ADGRL2: variants seen among roughly 807,000 people sequenced by gnomAD.
ADGRL2 encodes the protein calcium-independent alpha-latrotoxin receptor 2.
In ADGRL2, 44 loss-of-function variants were observed where a neutral mutation model predicts 157.4. The observed-to-expected ratio is 0.28, with a 90% confidence interval of 0.22 to 0.36. The LOEUF (loss-of-function observed/expected upper bound fraction) is 0.36, where lower values mean the gene tolerates loss of function less well. Among genes scored for constraint, ADGRL2 ranks in the 10% least tolerant of loss-of-function variants. The probability of loss-of-function intolerance (pLI) is 1.00; values close to 1 mark genes in which losing one functional copy is unlikely to be tolerated. For synonymous variants in ADGRL2, 585 were observed against 624.7 expected (o/e 0.94, Z 0.95); for missense variants, 1,510 against 1,768.9 (o/e 0.85, Z 2.63).
chr1:81,885,338 T>A (rs545168748), intron 2 of ADGRL2, among the ~76,000 whole-genome samples: 1 of 152,310 alleles, frequency 6.6e-6, no homozygotes, highest in Admixed American at 6.5e-5. Flanking sequence ...AAAAAAATGT[T>A]TAACTTTAGA....
At chr1:81,614,088 A>G (rs2081595815) in intron 3 of ADGRL2, among the ~76,000 whole-genome samples, 1 of 152,116 alleles carries the variant, frequency 6.6e-6, no homozygotes, top group South Asian at 2.1e-4. Context: ...TTAGTTCAAT[A>G]CGGCAATTGT....
intron 2 of ADGRL2, among the ~76,000 whole-genome samples, chr1:81,446,868 G>C (rs1322468357): frequency 6.6e-6 from 1 of 151,912 alleles, no homozygotes; most frequent in East Asian, 1.9e-4. Flanking sequence ...ATTTAATTTA[G>C]GTATTTATTA....
intron 2 of ADGRL2, among the ~76,000 whole-genome samples, chr1:81,533,229 A>G (rs902004016): frequency 3.9e-5 from 6 of 152,026 alleles, no homozygotes; most frequent in Non-Finnish European, 8.8e-5. Context: ...AAATACAAAA[A>G]TTAATCAGCT....
intron 2 of ADGRL2, among the ~76,000 whole-genome samples, chr1:81,774,134 T>C (rs1427623111): frequency 2.0e-5 from 3 of 151,638 alleles, no homozygotes; most frequent in Non-Finnish European, 2.9e-5. Context: ...GTATTTGTTA[T>C]GGCAGCCCTA....
At chr1:81,392,227 C>CA (rs35544082) in intron 1 of ADGRL2, among the ~76,000 whole-genome samples, 109,212 of 147,092 alleles carry the variant, frequency 0.74, 42,206 homozygotes, top group East Asian at 0.9. Flanking sequence ...CCCATCCCCA[C>CA]AAAAAAAAAA....
intron 17 of ADGRL2, among the ~76,000 whole-genome samples, chr1:81,976,411 A>AG (rs1660201288): frequency 6.6e-6 from 1 of 151,950 alleles, no homozygotes; most frequent in Non-Finnish European, 1.5e-5. Flanking sequence ...AAATTTCTTT[A>AG]CATCTAGATA....
chr1:81,980,728 G>C (rs1233958490), intron 18 of ADGRL2: 6 of 604,882 alleles, frequency 9.9e-6, no homozygotes, highest in African/African-American at 9.2e-5. Context: ...TGGTAAGAGA[G>C]AGAGCTAATC....
At chr1:81,386,088 T>TA (rs2076430166) in intron 1 of ADGRL2, among the ~76,000 whole-genome samples, 1 of 152,168 alleles carries the variant, frequency 6.6e-6, no homozygotes, top group South Asian at 2.1e-4. Flanking sequence ...TCAATGTCTC[T>TA]AACTTGAAAG....
chr1:81,772,789 A>C (rs573572177), intron 2 of ADGRL2, among the ~76,000 whole-genome samples: 1 of 152,204 alleles, frequency 6.6e-6, no homozygotes, highest in East Asian at 1.9e-4. Flanking sequence ...ACAAGTAAAT[A>C]TTGTATTAAA....
chr1:81,594,300 G>A (rs758560388), intron 3 of ADGRL2, among the ~76,000 whole-genome samples: 29 of 152,044 alleles, frequency 1.9e-4, no homozygotes, highest in Non-Finnish European at 3.8e-4. Context: ...ATCTGGAAAG[G>A]GATCATGGCC....
chr1:81,942,130 T>C, intron 5 of ADGRL2, 85 bp downstream of exon 5: 1 of 575,394 alleles, frequency 1.7e-6, no homozygotes, highest in Non-Finnish European at 3.2e-6. Flanking sequence ...CCCACAACAC[T>C]CCTGTATTAA....
chr1:81,461,557 G>C (rs1186554068), intron 2 of ADGRL2, among the ~76,000 whole-genome samples: 3 of 152,170 alleles, frequency 2.0e-5, no homozygotes, highest in African/African-American at 7.2e-5. Context: ...TTGTTGCTTG[G>C]GGTAGGTAGT....
chr1:81,617,918 C>T (rs1036416385), intron 3 of ADGRL2, among the ~76,000 whole-genome samples: 2 of 152,292 alleles, frequency 1.3e-5, no homozygotes, highest in South Asian at 4.1e-4. Context: ...CTAATGCTAA[C>T]CTTGAAATGT....
intron 1 of ADGRL2, among the ~76,000 whole-genome samples, chr1:81,415,217 G>A (rs1217235419): frequency 6.6e-6 from 1 of 152,168 alleles, no homozygotes; most frequent in African/African-American, 2.4e-5. Context: ...TTGTTTATAT[G>A]TTGCAATTAA....
chr1:81,562,815 T>G (rs112762151), intron 2 of ADGRL2, among the ~76,000 whole-genome samples: 54 of 152,232 alleles, frequency 3.5e-4, no homozygotes, highest in African/African-American at 1.2e-3. Flanking sequence ...AATTTCTAAA[T>G]CCAAGGGATT....
At chr1:81,480,084 T>A (rs976819266) in intron 2 of ADGRL2, among the ~76,000 whole-genome samples, 6 of 152,190 alleles carry the variant, frequency 3.9e-5, no homozygotes, top group African/African-American at 1.4e-4. Context: ...AAGCCTAGTC[T>A]CTGTTATACA....
At chr1:81,535,160 G>A (rs548337312) in intron 2 of ADGRL2, among the ~76,000 whole-genome samples, 1 of 152,240 alleles carries the variant, frequency 6.6e-6, no homozygotes, top group South Asian at 2.1e-4. Flanking sequence ...CTTTTCTGAG[G>A]ACTGACTCTA....
At chr1:81,977,819 C>T (rs1379867658) in intron 17 of ADGRL2, among the ~76,000 whole-genome samples, 1 of 151,544 alleles carries the variant, frequency 6.6e-6, no homozygotes, top group Admixed American at 6.6e-5. Context: ...GGAAAAAAAA[C>T]CCTTATGTTC....
At chr1:81,830,665 G>A (rs1415676556) in intron 1 of ADGRL2, among the ~76,000 whole-genome samples, 3 of 151,934 alleles carry the variant, frequency 2.0e-5, no homozygotes, top group East Asian at 1.9e-4. Flanking sequence ...CCGCCACCAC[G>A]CCTGGCAAAT....
Sources: gnomAD v4.1 joint callset for allele counts (sites outside exome capture counted in the v4.1 genomes callset) on GRCh38, gnomAD v4.1.1 for gene constraint, MANE v1.5 for transcripts, NCBI Gene and HGNC (gene_info 2026-07-23, HGNC 2026-07-21) for gene names.